CD302: variants seen among roughly 807,000 people sequenced by gnomAD.
The protein encoded by CD302 is CD302 molecule, also known as CD302 antigen.
CD302 carries 23 observed loss-of-function variants against 26.5 expected under a neutral mutation model. The ratio of observed to expected loss-of-function variants is 0.87; its 90% confidence interval spans 0.62 to 1.23. The LOEUF (loss-of-function observed/expected upper bound fraction) is 1.23, where lower values mean the gene tolerates loss of function less well. Among genes scored for constraint, CD302 ranks in the 50% most tolerant of loss-of-function variants. CD302 has a pLI of 0.00. For synonymous variants in CD302, 90 were observed against 99.4 expected (o/e 0.91, Z 0.56); for missense variants, 290 against 275.5 (o/e 1.05, Z -0.37).
chr2:159,774,312 G>C (rs79384814), intron 5 of CD302, among the ~76,000 whole-genome samples: 1 of 152,248 alleles, frequency 6.6e-6, no homozygotes, highest in East Asian at 1.9e-4. Flanking sequence ...CCACTGTCCA[G>C]TCAACCAATC....
Position 159,771,852 on chromosome 2 carries a change from T to TA in CD302, c.697dup (p.Ter233LeufsTer5), listed in dbSNP as rs776775288. On this transcript the variant is annotated frameshift_variant and stop_lost, in exon 6 of 6. Transcript: ENST00000259053. LOFTEE classifies it high-confidence loss of function. ...TCTTAGTGCAAGATTACCAAAAACTTAGTCAAATTGAACAGGATATTCATT... is the reference window on the plus strand; with the variant it reads ...TCTTAGTGCAAGATTACCAAAAACTTAAGTCAAATTGAACAGGATATTCATT... The TA allele has an allele frequency of 6.2e-7, 1 of 1,613,576 alleles. No homozygotes were observed. The highest frequency in any genetic ancestry group is 8.5e-7 in the Non-Finnish European group (1 of 1,179,586).
chr2:159,779,423 A>G (rs1708441298), intron 4 of CD302, among the ~76,000 whole-genome samples: 2 of 152,076 alleles, frequency 1.3e-5, no homozygotes, highest in African/African-American at 4.8e-5. Flanking sequence ...ACTTCTGCTC[A>G]CTCAAATCAC....
intron 1 of CD302, among the ~76,000 whole-genome samples, chr2:159,788,644 A>G (rs1197906299): frequency 4.6e-5 from 7 of 152,370 alleles, no homozygotes; most frequent in Non-Finnish European, 8.8e-5. Context: ...TTGGACAGTA[A>G]TGTGCTTTTC....
Position 159,783,403 on chromosome 2 carries a change from T to TTGA in CD302, c.131_133dup (p.Ile44dup). ...TCTGACATCCTCTATGCTTTCTACT[T>TTGA]TGATGGCTTCTTGGAGAAAAATGTA... On this transcript the variant is annotated inframe_insertion, in exon 2 of 6. Coordinates refer to ENST00000259053, the MANE Select transcript of CD302 (RefSeq NM_014880.5). 1 of 1,613,058 alleles carries TTGA rather than the reference T, an allele frequency of 6.2e-7. No homozygotes were observed. The highest frequency in any genetic ancestry group is 8.5e-7 in the Non-Finnish European group (1 of 1,179,706).
In CD302 at chr2:159,787,446, CT is replaced by C. The variant is rs554817862; in HGVS notation, c.68-3978del. Reference sequence around the variant, plus strand: ...TGTATTAAACATTTTATATTTGATCCTTTTTCTTTTAGCTTGTTAATTATAT... The same window carrying C: ...TGTATTAAACATTTTATATTTGATCCTTTTCTTTTAGCTTGTTAATTATAT... On this transcript the variant is annotated intron_variant, in intron 1 of 5. Transcript: ENST00000259053. Among the ~76,000 whole-genome samples the C allele has an allele frequency of 7.0e-3, 1,063 of 151,516 alleles. 5 individuals are homozygous for C. The highest frequency in any genetic ancestry group is 0.013 in the Non-Finnish European group (865 of 67,820).
chr2:159,783,924 A>G (rs773966061), intron 1 of CD302, among the ~76,000 whole-genome samples: 5 of 152,252 alleles, frequency 3.3e-5, no homozygotes, highest in Non-Finnish European at 7.3e-5. Context: ...TTGCTAGCCT[A>G]TAAATATTCA....
intron 5 of CD302, among the ~76,000 whole-genome samples, chr2:159,776,188 C>T (rs1004096986): frequency 6.6e-6 from 1 of 151,770 alleles, no homozygotes; most frequent in Non-Finnish European, 1.5e-5. Flanking sequence ...TAATGTCCTT[C>T]AGGTTTATGC....
intron 2 of CD302, 42 bp downstream of exon 2, chr2:159,783,317 C>G (rs1290493288): frequency 1.4e-6 from 2 of 1,470,936 alleles, no homozygotes. Flanking sequence ...ACACTGTTCA[C>G]TAATTTGTGA....
At chr2:159,791,637 A>G (rs1708810511) in intron 1 of CD302, among the ~76,000 whole-genome samples, 2 of 152,238 alleles carry the variant, frequency 1.3e-5, no homozygotes, top group South Asian at 4.1e-4. Context: ...CTTGAACATA[A>G]CACTGGAAGG....
In CD302 at chr2:159,772,196, G is replaced by A. The variant is rs543311929; in HGVS notation, c.497-143C>T. The stretch of plus-strand genomic sequence containing the variant: ...CACTGATGAGAAAACCAAAAATTTC[G>A]CATTTGTTACTAACAAGATTTATAT... On this transcript the variant is annotated intron_variant, in intron 5 of 5. Coordinates refer to ENST00000259053, the MANE Select transcript of CD302 (RefSeq NM_014880.5). 5.9e-5 allele frequency: 52 copies of A among 882,324 alleles called. No individual in the cohort carries two copies. The Middle Eastern group carries it at 1.1e-3, about 18-fold the overall frequency. The allele number at this position is 882,324 out of a possible 1,614,324, so 54.7% of individuals were successfully genotyped here. A position where few individuals can be genotyped will look rare whatever the true frequency, so the allele number is the denominator to read the frequency against.
intron 1 of CD302, among the ~76,000 whole-genome samples, chr2:159,786,419 TG>T (rs1400491138): frequency 6.6e-6 from 1 of 150,416 alleles, no homozygotes; most frequent in Non-Finnish European, 1.5e-5. Flanking sequence ...ATGCAACCTC[TG>T]CCTCCTGGGT....
rs34620033 is a variant in CD302 at position 159,769,643 on chromosome 2, C to CATATATATATATATAT, written c.*2207_*2208insATATATATATATATAT. On this transcript the variant is annotated 3_prime_UTR_variant, in exon 6 of 6. Coordinates refer to ENST00000259053, the MANE Select transcript of CD302 (RefSeq NM_014880.5). The stretch of plus-strand genomic sequence containing the variant: ...CCTGGGCAGCACAGTGAGACTCCAT[C>CATATATATATATATAT]ATATATATATATATAGCACTTCATT... 9 of 151,002 alleles carry CATATATATATATATAT rather than the reference C, an allele frequency of 6.0e-5. No homozygotes were observed. The highest frequency in any genetic ancestry group is 2.2e-4 in the African/African-American group (9 of 41,290). 9.4% of individuals were successfully genotyped at this position (151,002 alleles called of 1,614,324 possible).
chr2:159,792,422 C>CTGTGTGTGTGTGTGTGTG (rs3138650), intron 1 of CD302, among the ~76,000 whole-genome samples: 30 of 145,308 alleles, frequency 2.1e-4, no homozygotes, highest in African/African-American at 2.8e-4. Context: ...AGAACCAACT[C>CTGTGTGTGTGTGTGTGTG]TGTGTGTGTG....
intron 5 of CD302, among the ~76,000 whole-genome samples, chr2:159,775,110 C>T (rs1200330128): frequency 6.6e-6 from 1 of 152,192 alleles, no homozygotes; most frequent in Non-Finnish European, 1.5e-5. Flanking sequence ...CCTGTTTTCC[C>T]TATAGGATGT....
chr2:159,779,406 CTT>C (rs1325867828), intron 4 of CD302, among the ~76,000 whole-genome samples: 1 of 152,062 alleles, frequency 6.6e-6, no homozygotes, highest in African/African-American at 2.4e-5. Context: ...CATGATTACT[CTT>C]CACCACTTCT....
rs945590305 is a variant in CD302 at position 159,794,750 on chromosome 2, G to A, written c.67+3382C>T. On this transcript the variant is annotated intron_variant, in intron 1 of 5. Coordinates refer to ENST00000259053, the MANE Select transcript of CD302 (RefSeq NM_014880.5). ...TTTTTAGTAGAGACAGGGTTTCACCGTGTTAGCCAGGATGGTCTCGATCTC... is the reference window on the plus strand; with the variant it reads ...TTTTTAGTAGAGACAGGGTTTCACCATGTTAGCCAGGATGGTCTCGATCTC... Among the ~76,000 whole-genome samples, 214 of 150,134 alleles carry A rather than the reference G, an allele frequency of 1.4e-3. 1 individual carries two copies. The highest frequency in any genetic ancestry group is 4.3e-3 in the African/African-American group (179 of 41,158).
chr2:159,776,748 A>AGGCTGGAG (rs1708344538), intron 5 of CD302, among the ~76,000 whole-genome samples: 1 of 125,818 alleles, frequency 7.9e-6, no homozygotes, highest in African/African-American at 3.1e-5. Context: ...TCTGTCGCCG[A>AGGCTGGAG]GGCTGGAGGG....
intron 5 of CD302, among the ~76,000 whole-genome samples, chr2:159,777,264 AATC>A (rs1317542935): frequency 6.6e-6 from 1 of 152,186 alleles, no homozygotes; most frequent in Non-Finnish European, 1.5e-5. Context: ...ACAAATAAAT[AATC>A]ATCTGAAAGG....
rs1708153113 is a variant in CD302, at chr2:159,771,802, T to G, written c.*49A>C. 2 of 1,591,710 alleles carry G rather than the reference T, an allele frequency of 1.3e-6. No individual in the cohort carries two copies. The highest frequency in any genetic ancestry group is 2.7e-5 in the African/African-American group (2 of 74,186). On this transcript the variant is annotated 3_prime_UTR_variant, in exon 6 of 6. Transcript: ENST00000259053. The stretch of plus-strand genomic sequence containing the variant: ...TTATATTAAAATCTTTCCCAAGTTA[T>G]CTCTGCCAGGGCATTTTGTTGATGT...
Sources: gnomAD v4.1 joint callset for allele counts (sites outside exome capture counted in the v4.1 genomes callset) on GRCh38, gnomAD v4.1.1 for gene constraint, MANE v1.5 for transcripts, NCBI Gene and HGNC (gene_info 2026-07-23, HGNC 2026-07-21) for gene names.